The following HIVEP3 variants were observed in gnomAD, a reference collection of about 807,000 sequenced individuals.
HIVEP3 encodes HIVEP zinc finger 3, also known as transcription factor HIVEP3.
A neutral mutation model predicts 152.8 loss-of-function variants in HIVEP3; 49 were observed. The ratio of observed to expected loss-of-function variants is 0.32; its 90% CI spans 0.26 to 0.41. HIVEP3 has a LOEUF of 0.41. Among genes scored for constraint, HIVEP3 ranks in the 10% least tolerant of loss-of-function variants. HIVEP3 has a pLI of 1.00. For synonymous variants in HIVEP3, 1,269 were observed against 1,289.0 expected (o/e 0.98, Z 0.33); for missense variants, 2,790 against 3,103.3 (o/e 0.90, Z 2.40).
chr1:41,768,140 G>C (rs1648128766), intron 1 of HIVEP3, among the ~76,000 whole-genome samples: 1 of 152,176 alleles, frequency 6.6e-6, no homozygotes, highest in Non-Finnish European at 1.5e-5. Context: ...GCTGCTGATA[G>C]ACATAACTGA....
chr1:41,833,634 A>G (rs977208793), intron 1 of HIVEP3, among the ~76,000 whole-genome samples: 1 of 152,172 alleles, frequency 6.6e-6, no homozygotes, highest in Non-Finnish European at 1.5e-5. Context: ...GCAGAATCTG[A>G]GGGCTCAAGG....
chr1:41,519,089 G>A (rs1264333600), intron 6 of HIVEP3, among the ~76,000 whole-genome samples: 1 of 152,204 alleles, frequency 6.6e-6, no homozygotes, highest in Non-Finnish European at 1.5e-5. Context: ...AAGTCTACTA[G>A]CCAGGGACTC....
At chr1:41,764,270 G>A (rs759741696) in intron 1 of HIVEP3, among the ~76,000 whole-genome samples, 2 of 152,194 alleles carry the variant, frequency 1.3e-5, no homozygotes, top group Non-Finnish European at 2.9e-5. Context: ...TAGGAGGGGA[G>A]TGTAAGATTG....
chr1:41,983,797 G>GA (rs1004646510), intron 1 of HIVEP3, among the ~76,000 whole-genome samples: 31 of 150,942 alleles, frequency 2.1e-4, no homozygotes, highest in South Asian at 8.4e-4. Flanking sequence ...AGAACAAAAA[G>GA]AAAAAAAAAT....
chr1:41,574,579 C>T (rs1454998734), intron 5 of HIVEP3, among the ~76,000 whole-genome samples: 3 of 152,190 alleles, frequency 2.0e-5, no homozygotes, highest in African/African-American at 4.8e-5. Context: ...GGAGGACTCC[C>T]GTGCCTCCCA....
At chr1:41,912,199 A>G (rs1344654712) in intron 1 of HIVEP3, among the ~76,000 whole-genome samples, 1 of 152,190 alleles carries the variant, frequency 6.6e-6, no homozygotes, top group Non-Finnish European at 1.5e-5. Flanking sequence ...AAGGAATGGG[A>G]TAGGGTGGAG....
chr1:41,753,706 T>TAAATAAATAAATAAAA (rs371969654), intron 1 of HIVEP3, among the ~76,000 whole-genome samples: 159 of 149,576 alleles, frequency 1.1e-3, no homozygotes, highest in African/African-American at 2.1e-3. Context: ...AATAAATAAA[T>TAAATAAATAAATAAAA]AAAAATAGAA....
intron 1 of HIVEP3, among the ~76,000 whole-genome samples, chr1:41,984,406 GA>G (rs1645310535): frequency 6.6e-6 from 1 of 152,102 alleles, no homozygotes; most frequent in Non-Finnish European, 1.5e-5. Flanking sequence ...CTGAATGGGG[GA>G]AAAAAGAGAT....
chr1:41,690,068 A>G (rs901719397), intron 2 of HIVEP3, among the ~76,000 whole-genome samples: 1 of 152,216 alleles, frequency 6.6e-6, no homozygotes, highest in Non-Finnish European at 1.5e-5. Flanking sequence ...TTATTCATTC[A>G]ATACACTTGT....
chr1:41,640,652 C>G (rs1645358662), intron 2 of HIVEP3, among the ~76,000 whole-genome samples: 1 of 152,216 alleles, frequency 6.6e-6, no homozygotes, highest in African/African-American at 2.4e-5. Context: ...TGAGCTGCTT[C>G]CCCGCAAGAA....
intron 1 of HIVEP3, among the ~76,000 whole-genome samples, chr1:41,946,325 C>T (rs554139814): frequency 1.3e-5 from 2 of 152,286 alleles, no homozygotes; most frequent in South Asian, 4.2e-4. Flanking sequence ...CAAGTGCCAG[C>T]CCATGCCATC....
intron 1 of HIVEP3, among the ~76,000 whole-genome samples, chr1:41,879,639 C>G (rs913303804): frequency 1.3e-5 from 2 of 152,184 alleles, no homozygotes; most frequent in Non-Finnish European, 2.9e-5. Context: ...CAGCCAATAC[C>G]CTGCTTCTCT....
chr1:41,790,761 C>G (rs1322647352), intron 1 of HIVEP3, among the ~76,000 whole-genome samples: 4 of 152,168 alleles, frequency 2.6e-5, no homozygotes, highest in Non-Finnish European at 5.9e-5. Flanking sequence ...CACTGCAAAT[C>G]TGCAGGCCTC....
At chr1:41,531,190 G>A (rs533859166) in intron 5 of HIVEP3, among the ~76,000 whole-genome samples, 2 of 147,910 alleles carry the variant, frequency 1.4e-5, no homozygotes, top group East Asian at 4.2e-4. Context: ...GGACAGGAGA[G>A]ATGGAGGACT....
chr1:41,879,330 A>G (rs756636382), intron 1 of HIVEP3, among the ~76,000 whole-genome samples: 1 of 152,188 alleles, frequency 6.6e-6, no homozygotes, highest in Non-Finnish European at 1.5e-5. Context: ...GCATCCCTCC[A>G]TCGTCCAGAC....
chr1:41,990,484 C>G lies in HIVEP3; in HGVS notation n.119+45323G>C, dbSNP rs935319416. On this transcript the variant is annotated intron_variant and non_coding_transcript_variant, in intron 1 of 3. Transcript: ENST00000489103. ...AATATATATGCACCCAATACAGGAG[C>G]ACCCAGATTCATAAAGCAAGTCCTG... is the stretch of plus-strand genomic sequence containing the variant. Among the ~76,000 whole-genome samples, 31 of 145,704 alleles carry G rather than the reference C, an allele frequency of 2.1e-4. No homozygotes were observed. The South Asian group carries it at 6.1e-3, about 29-fold the overall frequency.
chr1:41,511,049 C>T lies in HIVEP3; in HGVS notation c.6623G>A (p.Gly2208Glu), dbSNP rs114044801. 1,029 of 1,613,880 alleles carry T rather than the reference C, an allele frequency of 6.4e-4. 2 individuals carry two copies. The African/African-American group carries it at 0.012, about 19-fold the overall frequency. ...CCCTGGCAGCAGGGTGGGGTGGGCT[C>T]CTGGCCGGGCCTGCACCATCTGGAT... ...GGIQMVQARP[G>E]AHPTLLPGPT... The change falls in exon 9 of 9, where the codon GGA becomes GAA. Residue 2208 changes from glycine to glutamate, a missense_variant. By Grantham distance (98) the Gly-to-Glu change is moderately conservative. This residue lies in a region of HIVEP3 where 816 missense variants were observed against 806.5 expected (regional missense o/e 1.01). Transcript: ENST00000372583. This position sits in a 1 kb window ranked among gnomAD's most constrained non-coding sequence, Gnocchi z 4.9.
chr1:41,913,772 G>A (rs1365060992), intron 1 of HIVEP3, among the ~76,000 whole-genome samples: 1 of 152,174 alleles, frequency 6.6e-6, no homozygotes, highest in Non-Finnish European at 1.5e-5. Flanking sequence ...GACTAAAATT[G>A]GTGACTGAGA....
At chr1:41,853,976 G>C (rs781554451) in intron 1 of HIVEP3, among the ~76,000 whole-genome samples, 3 of 152,192 alleles carry the variant, frequency 2.0e-5, no homozygotes, top group Non-Finnish European at 4.4e-5. Context: ...TGGCTTTCAA[G>C]GGATGGGGAA....
Sources: gnomAD v4.1 joint callset for allele counts (sites outside exome capture counted in the v4.1 genomes callset) on GRCh38, gnomAD v4.1.1 for gene constraint, gnomAD v4.1.1 regional missense constraint, Gnocchi (gnomAD v3.1) non-coding constraint, MANE v1.5 for transcripts, NCBI Gene and HGNC (gene_info 2026-07-23, HGNC 2026-07-21) for gene names.